The following FLNB variants were observed in gnomAD, a reference collection of about 807,000 sequenced individuals.
FLNB encodes filamin-B.
A neutral mutation model predicts 250.6 loss-of-function variants in FLNB; 111 were observed. The observed-to-expected ratio is 0.44, with a 90% confidence interval of 0.38 to 0.52. The LOEUF is 0.52. Ranked by LOEUF, FLNB falls within the 20% of genes least tolerant of loss-of-function variation. The pLI is 0.00. For synonymous variants in FLNB, 1,302 were observed against 1,372.1 expected, an observed-to-expected ratio of 0.95 and a Z score of 1.13; for missense variants, 2,869 against 3,447.8, an observed-to-expected ratio of 0.83 and a Z score of 4.20.
Position 58,125,632 on chromosome 3 carries a change from C to T in FLNB, c.3950C>T (p.Pro1317Leu). 1.2e-6 allele frequency: 2 copies of T among 1,614,088 alleles called. No individual in the cohort carries two copies. The highest frequency in any genetic ancestry group is 8.5e-7 in the Non-Finnish European group (1 of 1,180,004). ...TYDDVPIPNS[P>L]FKVAVTEGCQ... ...GATGACGTGCCTATCCCAAACAGTCCCTTCAAGGTGGCTGTCACTGAAGGC... is the reference window on the plus strand; with the variant it reads ...GATGACGTGCCTATCCCAAACAGTCTCTTCAAGGTGGCTGTCACTGAAGGC... The change falls in exon 23 of 46, where the codon CCC becomes CTC. Residue 1317 changes from proline to leucine, a missense_variant. Around this residue, in one of 5 missense-constraint regions of FLNB, gnomAD observed 1,348 missense variants for 1,466.7 expected, o/e 0.92. Transcript: ENST00000295956.
At chr3:58,116,481 C>G (rs2107147260) in intron 18 of FLNB, among the ~76,000 whole-genome samples, 1 of 152,290 alleles carries the variant, frequency 6.6e-6, no homozygotes, top group East Asian at 1.9e-4. Context: ...GCTGGTTTTG[C>G]TCCCTGACAC....
chr3:58,037,739 G>C (rs2106786124), intron 1 of FLNB, among the ~76,000 whole-genome samples: 1 of 152,232 alleles, frequency 6.6e-6, no homozygotes, highest in South Asian at 2.1e-4. Context: ...CATGGTTTCT[G>C]CCTACTCCAG....
chr3:58,136,586 A>C (rs367640590), intron 28 of FLNB, among the ~76,000 whole-genome samples: 30 of 152,228 alleles, frequency 2.0e-4, no homozygotes, highest in East Asian at 1.7e-3. Context: ...TTAGAGAAAC[A>C]CATTTAAGGA....
Position 58,115,960 on chromosome 3 carries a change from A to G in FLNB, c.2746-2912A>G, listed in dbSNP as rs933401305. 1.1e-4 allele frequency among the ~76,000 whole-genome samples: 17 copies of G among 152,274 alleles called. No homozygotes were observed. In the East Asian group the frequency reaches 3.3e-3, roughly 29 times the overall value. On this transcript the variant is annotated intron_variant, in intron 18 of 45. Transcript: ENST00000295956. ...CCTATTTTTCTATGGCAAAGAACAC[A>G]TTAAATCTCTCCTTAGATTGAATTT...
intron 8 of FLNB, 148 bp from the exon 9 acceptor site, chr3:58,102,055 C>T (rs983613137): frequency 1.3e-6 from 1 of 777,038 alleles, no homozygotes. Flanking sequence ...GGTGTGCTCC[C>T]TGAGTGGGAC....
At chr3:58,146,178 G>A (rs2097335561) in intron 33 of FLNB, 129 bp downstream of exon 33, 1 of 1,089,378 alleles carries the variant, frequency 9.2e-7, no homozygotes, top group African/African-American at 1.6e-5. Context: ...TTTCTCTCGT[G>A]TAAATCTGTT....
chr3:58,062,592 T>C (rs1049092274), intron 1 of FLNB, among the ~76,000 whole-genome samples: 4 of 152,232 alleles, frequency 2.6e-5, no homozygotes, highest in African/African-American at 9.6e-5. Flanking sequence ...TTTAATTTTC[T>C]ATCAGCAGTG....
At position 58,112,201 on chromosome 3, in the gene FLNB, GA is replaced by G; in HGVS notation, c.2631del (p.Ala878ProfsTer16). ...TCACTGTCTACACCAAGGGGGCTGG[GA>G]AAGCCCCGCTCAACGTGCAGTTCAA... Reference protein sequence around the residue: ...HFTVYTKGAGKAPLNVQFNSP... With the variant: ...HFTVYTKGAGXAPLNVQFNSP... On this transcript the variant is annotated frameshift_variant, in exon 18 of 46. Transcript: ENST00000295956. LOFTEE classifies it high-confidence loss of function. 3 of 1,614,096 alleles carry G rather than the reference GA, an allele frequency of 1.9e-6. No individual in the cohort carries two copies. The highest frequency in any genetic ancestry group is 2.5e-6 in the Non-Finnish European group (3 of 1,179,952).
Position 58,148,995 on chromosome 3 carries a change from T to C in FLNB, c.6091+143T>C, listed in dbSNP as rs1575460365. The C allele has an allele frequency of 1.0e-5, 8 of 781,236 alleles. No individual in the cohort carries two copies. The East Asian group carries it at 1.3e-4, about 13-fold the overall frequency. The allele number at this position is 781,236 out of a possible 1,614,324, so 48.4% of individuals were successfully genotyped here. ...TAGGTCCTTCTGCCTGCATTGTCTT[T>C]TATGCCTCATGACCATTGGCAAAAA... On this transcript the variant is annotated intron_variant, in intron 36 of 45. Coordinates refer to ENST00000295956, the MANE Select transcript of FLNB (RefSeq NM_001457.4).
chr3:58,018,962 CAAAAAA>C (rs34503609), intron 1 of FLNB, among the ~76,000 whole-genome samples: 9 of 71,402 alleles, frequency 1.3e-4, no homozygotes, highest in African/African-American at 2.5e-4. Flanking sequence ...CACATCTCTA[CAAAAAA>C]AAAAAAAAAA....
At chr3:58,084,654 T>C (rs1045753342) in intron 4 of FLNB, among the ~76,000 whole-genome samples, 3 of 152,230 alleles carry the variant, frequency 2.0e-5, no homozygotes, top group Non-Finnish European at 4.4e-5. Flanking sequence ...TTTTTAAGTG[T>C]GGCATTAAGT....
chr3:58,096,866 T>A (rs1385954245), intron 6 of FLNB, among the ~76,000 whole-genome samples: 2 of 152,208 alleles, frequency 1.3e-5, no homozygotes, highest in African/African-American at 4.8e-5. Flanking sequence ...CTGGAGGAGC[T>A]GTCAGCATTG....
chr3:58,079,942 G>A (rs917791226), intron 3 of FLNB, among the ~76,000 whole-genome samples: 1 of 152,168 alleles, frequency 6.6e-6, no homozygotes, highest in African/African-American at 2.4e-5. Context: ...CTTTGGTTTG[G>A]TTTTGGAGTC....
chr3:58,136,806 C>T (rs1303255524), intron 28 of FLNB, among the ~76,000 whole-genome samples: 1 of 120,966 alleles, frequency 8.3e-6, no homozygotes, highest in African/African-American at 3.3e-5. Flanking sequence ...GGCTGGAGTG[C>T]AGTGACGCAA....
At chr3:58,072,498 G>A (rs980982176) in intron 1 of FLNB, among the ~76,000 whole-genome samples, 3 of 152,282 alleles carry the variant, frequency 2.0e-5, no homozygotes, top group African/African-American at 4.8e-5. Context: ...TCTCATCTAC[G>A]TGATGGTCAG....
At chr3:58,127,536 T>C (rs1191588750) in intron 24 of FLNB, among the ~76,000 whole-genome samples, 1 of 152,198 alleles carries the variant, frequency 6.6e-6, no homozygotes, top group Non-Finnish European at 1.5e-5. Flanking sequence ...CACTTTGGGC[T>C]AGATGATTCT....
intron 16 of FLNB, 128 bp from the exon 17 acceptor site, chr3:58,111,663 T>C: frequency 1.4e-6 from 1 of 718,114 alleles, no homozygotes; most frequent in Non-Finnish European, 2.6e-6. Context: ...TGTTTACCTG[T>C]GGTAATAGAA....
intron 36 of FLNB, chr3:58,149,501 C>T (rs2097341326): frequency 2.8e-6 from 1 of 353,582 alleles, no homozygotes; most frequent in African/African-American, 2.1e-5. Context: ...TCAGATCTGG[C>T]TGTGGATAAA....
intron 41 of FLNB, among the ~76,000 whole-genome samples, chr3:58,158,892 T>C (rs2097357170): frequency 6.6e-6 from 1 of 152,192 alleles, no homozygotes; most frequent in Admixed American, 6.5e-5. Flanking sequence ...CTAGGCCCTG[T>C]GATAAATGTT....
Sources: allele counts gnomAD v4.1 joint callset (sites outside exome capture counted in the v4.1 genomes callset), GRCh38; gene constraint gnomAD v4.1.1; regional missense constraint gnomAD v4.1.1; transcripts MANE v1.5; gene names NCBI Gene and HGNC (gene_info 2026-07-23, HGNC 2026-07-21).